Variants in SLC35F4 observed in about 807,000 individuals in gnomAD.
SLC35F4 encodes the protein chromosome 14 open reading frame 36.
SLC35F4 carries 24 observed loss-of-function variants against 44.2 expected under a neutral mutation model. The observed-to-expected ratio is 0.54, with a 90% CI of 0.39 to 0.76. SLC35F4 has a LOEUF of 0.76. Ranked by LOEUF, SLC35F4 falls within the 30% of genes least tolerant of loss-of-function variation. SLC35F4 has a pLI of 0.00. For synonymous variants in SLC35F4, 238 were observed against 223.6 expected (o/e 1.06, Z -0.57); for missense variants, 562 against 586.1 (o/e 0.96, Z 0.42).
At chr14:57,742,544 C>A (rs1042665805) in intron 1 of SLC35F4, among the ~76,000 whole-genome samples, 1 of 152,044 alleles carries the variant, frequency 6.6e-6, no homozygotes, top group Non-Finnish European at 1.5e-5. Context: ...TATATATGCA[C>A]CAATACAGAA....
In SLC35F4 at chr14:57,637,444, A is replaced by G. The variant is rs560197408; in HGVS notation, c.104-43320T>C. Among the ~76,000 whole-genome samples, 9 of 152,230 alleles carry G rather than the reference A, an allele frequency of 5.9e-5. No homozygotes were observed. In the East Asian group the frequency reaches 1.4e-3, roughly 23 times the overall value. The stretch of plus-strand genomic sequence containing the variant: ...CTGGAGGAAGCTGTTGCCATGCTGA[A>G]GCGCCCAGCTCCCTGGCCCTGTGGT... On this transcript the variant is annotated intron_variant, in intron 1 of 7. Transcript: ENST00000556826.
intron 1 of SLC35F4, among the ~76,000 whole-genome samples, chr14:57,906,007 G>A (rs1889097948): frequency 6.6e-6 from 1 of 152,112 alleles, no homozygotes; most frequent in Non-Finnish European, 1.5e-5. Context: ...CACAGCATGA[G>A]GGCAGGAGAT....
chr14:57,779,412 G>A (rs746011520), intron 1 of SLC35F4, among the ~76,000 whole-genome samples: 13 of 151,856 alleles, frequency 8.6e-5, no homozygotes, highest in Non-Finnish European at 1.2e-4. Context: ...GGGTACATAC[G>A]CCCTCCCAAG....
At chr14:57,719,119 C>T (rs552460668) in intron 1 of SLC35F4, among the ~76,000 whole-genome samples, 58 of 152,240 alleles carry the variant, frequency 3.8e-4, no homozygotes, top group Non-Finnish European at 7.5e-4. Flanking sequence ...ATGTTCTTGG[C>T]ACTTTTGTCA....
At chr14:57,854,956 C>A (rs1224569789) in intron 1 of SLC35F4, among the ~76,000 whole-genome samples, 2 of 152,094 alleles carry the variant, frequency 1.3e-5, no homozygotes, top group African/African-American at 4.8e-5. Context: ...TTTTTAATAA[C>A]AACAATTTAA....
chr14:57,879,396 G>T (rs756280051), intron 1 of SLC35F4, among the ~76,000 whole-genome samples: 1 of 151,902 alleles, frequency 6.6e-6, no homozygotes, highest in Non-Finnish European at 1.5e-5. Flanking sequence ...TCTTCCCAGG[G>T]TCTAAACCAT....
At chr14:57,901,838 C>T (rs985355951) in intron 1 of SLC35F4, among the ~76,000 whole-genome samples, 1 of 152,138 alleles carries the variant, frequency 6.6e-6, no homozygotes, top group Non-Finnish European at 1.5e-5. Flanking sequence ...GATGAGCAAA[C>T]TGTCTCAGCA....
chr14:57,639,351 T>C (rs2073135392), intron 1 of SLC35F4, among the ~76,000 whole-genome samples: 1 of 152,000 alleles, frequency 6.6e-6, no homozygotes, highest in Non-Finnish European at 1.5e-5. Flanking sequence ...TTCTTATAAC[T>C]ACATGTATAA....
rs771730116 is a variant in SLC35F4, at chr14:57,569,833, C to A, written c.1081G>T (p.Ala361Ser). Residue 361 changes from alanine (A) to serine (S), a missense_variant, in exon 6 of 8, where the codon GCT becomes TCT. Physicochemically the swap from Ala to Ser is moderately conservative, Grantham distance 99 (BLOSUM62 1). Transcript: ENST00000556826. Reference protein sequence around the residue: ...TKVEHWSSFAALPWGCLCGMA... With the variant: ...TKVEHWSSFASLPWGCLCGMA... ...CCACAGAGACAGCCCCATGGCAGAG[C>A]AGCAAAAGAGGACCAGTGCTCCACC... 6.2e-7 allele frequency: 1 copy of A among 1,611,276 alleles called. No homozygotes were observed. Among genetic ancestry groups the A allele is most frequent in the Non-Finnish European group, 8.5e-7 (1 of 1,178,802 alleles).
intron 1 of SLC35F4, among the ~76,000 whole-genome samples, chr14:57,900,290 C>G (rs1888972506): frequency 6.6e-6 from 1 of 152,206 alleles, no homozygotes; most frequent in South Asian, 2.1e-4. Flanking sequence ...GGACATTGTC[C>G]CACAGCTCCA....
At chr14:57,972,687 G>T (rs944571544), downstream of SLC35F4, among the ~76,000 whole-genome samples, 1 of 152,176 alleles carries the variant, frequency 6.6e-6, no homozygotes, top group Admixed American at 6.5e-5. Context: ...TCAGCCTAGT[G>T]GTCTCATTTC....
chr14:57,665,428 C>T (rs771662954), intron 1 of SLC35F4, among the ~76,000 whole-genome samples: 1 of 152,162 alleles, frequency 6.6e-6, no homozygotes, highest in Non-Finnish European at 1.5e-5. Flanking sequence ...ATGAGGCAAG[C>T]ACGAGTACTG....
At chr14:57,915,699 G>A (rs1889315076) in intron 1 of SLC35F4, among the ~76,000 whole-genome samples, 1 of 152,194 alleles carries the variant, frequency 6.6e-6, no homozygotes, top group Non-Finnish European at 1.5e-5. Flanking sequence ...TGAGTGTTCA[G>A]TACCTTGTTC....
intron 1 of SLC35F4, among the ~76,000 whole-genome samples, chr14:57,715,120 G>A (rs778197785): frequency 1.3e-5 from 2 of 152,130 alleles, no homozygotes; most frequent in Admixed American, 1.3e-4. Context: ...TGAGGGCTCA[G>A]TTAGGGAACT....
At position 57,865,709 on chromosome 14, in the gene SLC35F4, G is replaced by T; in HGVS notation, c.103+14C>A. The T allele has an allele frequency of 6.6e-6, 10 of 1,513,444 alleles. No homozygotes were observed. Among genetic ancestry groups the T allele is most frequent in the Non-Finnish European group, 8.8e-6 (10 of 1,136,530 alleles). The allele number at this position is 1,513,444 out of a possible 1,614,324, so 93.8% of individuals were successfully genotyped here. On this transcript the variant is annotated intron_variant, in intron 1 of 7. Transcript: ENST00000556826. Reference sequence around the variant, plus strand: ...CTTCCCCGCCTCGCGCAGGGCAGCCGCGCGGCGTCTTACTTTTCTGGCTGG... The same window carrying T: ...CTTCCCCGCCTCGCGCAGGGCAGCCTCGCGGCGTCTTACTTTTCTGGCTGG...
chr14:57,577,667 T>C (rs1184024777), intron 4 of SLC35F4, among the ~76,000 whole-genome samples: 1 of 151,218 alleles, frequency 6.6e-6, no homozygotes, highest in East Asian at 1.9e-4. Context: ...AAGAACCTTT[T>C]TTTAAAAAAA....
At chr14:57,756,833 T>C (rs900529548) in intron 1 of SLC35F4, among the ~76,000 whole-genome samples, 5 of 151,696 alleles carry the variant, frequency 3.3e-5, no homozygotes, top group African/African-American at 1.2e-4. Flanking sequence ...TTTTTTTTTT[T>C]TAATTTTTTG....
Position 57,855,374 on chromosome 14 carries a change from C to A in SLC35F4, c.103+10349G>T, listed in dbSNP as rs372852741. 3.0e-4 allele frequency among the ~76,000 whole-genome samples: 46 copies of A among 152,052 alleles called. 2 individuals carry two copies. Among genetic ancestry groups the A allele is most frequent in the Admixed American group, 1.5e-3 (23 of 15,296 alleles). On this transcript the variant is annotated intron_variant, in intron 1 of 7. Transcript: ENST00000556826. ...ACAAACAAACCCATCAAAAAGTGGG[C>A]AAAGAATATGAACAGACACTTCTCA...
chr14:57,697,355 A>C (rs534763794), intron 1 of SLC35F4, among the ~76,000 whole-genome samples: 1 of 152,288 alleles, frequency 6.6e-6, no homozygotes, highest in Non-Finnish European at 1.5e-5. Context: ...AAATTTTTAA[A>C]ATGTATTAAG....
Sources: gnomAD v4.1 joint callset for allele counts (sites outside exome capture counted in the v4.1 genomes callset) on GRCh38, gnomAD v4.1.1 for gene constraint, MANE v1.5 for transcripts, NCBI Gene and HGNC (gene_info 2026-07-23, HGNC 2026-07-21) for gene names.